Variants in PALM2AKAP2 observed in about 807,000 individuals in gnomAD.
The protein encoded by PALM2AKAP2 is PALM2 and AKAP2 fusion, also known as PALM2-AKAP2 fusion protein.
Under a neutral mutation model 71.5 loss-of-function variants are expected in PALM2AKAP2, and 37 were observed. The observed-to-expected ratio is 0.52, with a 90% confidence interval of 0.40 to 0.68. The LOEUF is 0.68. Among genes scored for constraint, PALM2AKAP2 ranks in the 30% least tolerant of loss-of-function variants. The pLI is 0.00. For missense variants in PALM2AKAP2, 1,224 were observed against 1,191.8 expected (o/e 1.03, Z -0.40); for synonymous variants, 468 against 478.8 (o/e 0.98, Z 0.29).
chr9:109,721,587 T>C (rs2118635087), intron 1 of PALM2AKAP2, among the ~76,000 whole-genome samples: 1 of 152,350 alleles, frequency 6.6e-6, no homozygotes, highest in Admixed American at 6.5e-5. Context: ...GGGTTTTCAT[T>C]GGCTAATTAG....
At chr9:109,754,337 G>A (rs930738899) in intron 1 of PALM2AKAP2, among the ~76,000 whole-genome samples, 7 of 152,158 alleles carry the variant, frequency 4.6e-5, no homozygotes, top group African/African-American at 1.7e-4. Context: ...TCCAAAAGCT[G>A]AGAACTAGAA....
chr9:109,900,074 G>T (rs1108832), intron 3 of PALM2AKAP2, among the ~76,000 whole-genome samples: 1 of 152,164 alleles, frequency 6.6e-6, no homozygotes, highest in Admixed American at 6.5e-5. Flanking sequence ...TGACAAAAGT[G>T]CAGATGACAT....
intron 6 of PALM2AKAP2, among the ~76,000 whole-genome samples, chr9:109,959,351 G>C (rs1055953468): frequency 6.6e-6 from 1 of 152,056 alleles, no homozygotes; most frequent in African/African-American, 2.4e-5. Flanking sequence ...GTTGTCTTAA[G>C]TATAAAGATC....
intron 1 of PALM2AKAP2, among the ~76,000 whole-genome samples, chr9:109,837,760 C>A (rs2131567471): frequency 6.6e-6 from 1 of 152,164 alleles, no homozygotes; most frequent in Middle Eastern, 3.4e-3. Flanking sequence ...TTTAAACCAA[C>A]AAAAATCAAA....
At chr9:109,997,361 A>G (rs975514394) in intron 6 of PALM2AKAP2, among the ~76,000 whole-genome samples, 2 of 152,192 alleles carry the variant, frequency 1.3e-5, no homozygotes, top group Admixed American at 6.5e-5. Flanking sequence ...GTAAGGTAAT[A>G]CACATAAAGG....
At chr9:110,150,084 G>C (rs1308528045) in intron 2 of PALM2AKAP2, among the ~76,000 whole-genome samples, 1 of 152,160 alleles carries the variant, frequency 6.6e-6, no homozygotes, top group Admixed American at 6.5e-5. Flanking sequence ...ACAGAGTGGA[G>C]CCCTCATGAC....
chr9:110,064,388 C>T (rs965354806), intron 1 of PALM2AKAP2, among the ~76,000 whole-genome samples: 1 of 152,190 alleles, frequency 6.6e-6, no homozygotes, highest in Admixed American at 6.5e-5. Flanking sequence ...AGCCCAGCCT[C>T]GGTCTGGAAC....
intron 3 of PALM2AKAP2, among the ~76,000 whole-genome samples, chr9:109,910,558 A>G (rs139374266): frequency 6.6e-6 from 1 of 152,358 alleles, no homozygotes; most frequent in African/African-American, 2.4e-5. Flanking sequence ...TGGTCTCTTC[A>G]TCATGGAGGA....
intron 1 of PALM2AKAP2, among the ~76,000 whole-genome samples, chr9:109,742,086 C>T (rs973484204): frequency 4.6e-5 from 7 of 152,168 alleles, no homozygotes; most frequent in African/African-American, 1.7e-4. Flanking sequence ...ACTTCAGTAC[C>T]TAGAGCAGTG....
At chr9:109,942,937 G>A (rs142111278) in intron 6 of PALM2AKAP2, 411 of 1,614,184 alleles carry the variant, frequency 2.5e-4, no homozygotes, top group Non-Finnish European at 2.7e-4. Context: ...AGGAGGGCAC[G>A]TGTCTGAAAG....
chr9:109,681,180 C>T (rs939973309), intron 1 of PALM2AKAP2, among the ~76,000 whole-genome samples: 1 of 152,202 alleles, frequency 6.6e-6, no homozygotes, highest in Non-Finnish European at 1.5e-5. Context: ...TCTCCATCTA[C>T]TTGTCTTTTT....
intron 1 of PALM2AKAP2, among the ~76,000 whole-genome samples, chr9:109,721,248 C>T (rs978006754): frequency 6.6e-6 from 1 of 152,182 alleles, no homozygotes; most frequent in Non-Finnish European, 1.5e-5. Context: ...TGGGCATTTG[C>T]AGGCTGAGCT....
chr9:109,753,431 C>T (rs1314357499), intron 1 of PALM2AKAP2, among the ~76,000 whole-genome samples: 2 of 152,104 alleles, frequency 1.3e-5, no homozygotes, highest in African/African-American at 2.4e-5. Context: ...AAAGCATACT[C>T]GAGGAAAGCC....
intron 1 of PALM2AKAP2, among the ~76,000 whole-genome samples, chr9:109,832,715 T>G (rs1176736895): frequency 1.3e-5 from 2 of 152,192 alleles, no homozygotes; most frequent in Non-Finnish European, 2.9e-5. Flanking sequence ...CCAAAGAACA[T>G]TATCAGACCC....
At position 109,854,763 on chromosome 9, in the gene PALM2AKAP2, C is replaced by CTCT. The variant is rs1554720928; in HGVS notation, c.46-12727_46-12726insCTT. 5.7e-4 allele frequency among the ~76,000 whole-genome samples: 38 copies of CTCT among 66,182 alleles called. 1 individual carries two copies. Among genetic ancestry groups the CTCT allele is most frequent in the Non-Finnish European group, 3.2e-4 (12 of 37,682 alleles). 43.4% of individuals were successfully genotyped at this position (66,182 alleles called of 152,430 possible). The stretch of plus-strand genomic sequence containing the variant: ...GTAGTCAGTTTTTAAAAGAATGTAT[C>CTCT]TTTTTTTTTTTTTTTTTTTTTTTTT... On this transcript the variant is annotated intron_variant, in intron 1 of 9. Coordinates refer to the PALM2AKAP2 transcript ENST00000302798.
intron 2 of PALM2AKAP2, among the ~76,000 whole-genome samples, chr9:109,879,700 T>G (rs1003899080): frequency 9.6e-5 from 2 of 20,754 alleles, no homozygotes; most frequent in African/African-American, 2.1e-4. Context: ...GGATGTATGG[T>G]TTTTTTTTTT....
At chr9:109,653,760 T>C (rs949775036) in intron 1 of PALM2AKAP2, among the ~76,000 whole-genome samples, 5 of 152,174 alleles carry the variant, frequency 3.3e-5, no homozygotes, top group African/African-American at 1.2e-4. Flanking sequence ...AGTGCAAATA[T>C]AGAGCACAGG....
intron 1 of PALM2AKAP2, among the ~76,000 whole-genome samples, chr9:109,831,832 T>G (rs1226176229): frequency 6.6e-6 from 1 of 152,228 alleles, no homozygotes; most frequent in East Asian, 1.9e-4. Flanking sequence ...TCCCTTTTTT[T>G]TTGTTTATTT....
chr9:109,748,238 T>A (rs1185417082), intron 1 of PALM2AKAP2, among the ~76,000 whole-genome samples: 1 of 152,004 alleles, frequency 6.6e-6, no homozygotes, highest in Non-Finnish European at 1.5e-5. Context: ...ATATGATCCA[T>A]GGCAAATGCA....
Sources: allele counts gnomAD v4.1 joint callset (sites outside exome capture counted in the v4.1 genomes callset), GRCh38; gene constraint gnomAD v4.1.1; transcripts MANE v1.5; gene names NCBI Gene and HGNC (gene_info 2026-07-23, HGNC 2026-07-21).